ADAMTS17: variants seen among roughly 807,000 people sequenced by gnomAD.
ADAMTS17 encodes ADAM metallopeptidase with thrombospondin type 1 motif 17, also known as A disintegrin and metalloproteinase with thrombospondin motifs 17.
Under a neutral mutation model 141.5 loss-of-function variants are expected in ADAMTS17, and 113 were observed. The ratio of observed to expected loss-of-function variants is 0.80; its 90% CI spans 0.69 to 0.93. The LOEUF is 0.93. ADAMTS17 is among the 40% of genes least tolerant of loss of function. The probability of loss-of-function intolerance (pLI) is 0.00; values close to 1 mark genes in which losing one functional copy is unlikely to be tolerated. For missense variants in ADAMTS17, 1,659 were observed against 1,517.9 expected, an observed-to-expected ratio of 1.09 and a Z score of -1.54; for synonymous variants, 768 against 630.6, an observed-to-expected ratio of 1.22 and a Z score of -3.27.
chr15:99,976,462 C>T (rs2060332908), intron 20 of ADAMTS17: 6 of 619,814 alleles, frequency 9.7e-6, no homozygotes, highest in Non-Finnish European at 1.7e-5. Context: ...GGGCTGGGCA[C>T]TGTGTGTCAT....
intron 15 of ADAMTS17, among the ~76,000 whole-genome samples, chr15:100,071,152 TA>T (rs2033942530): frequency 2.0e-5 from 3 of 150,364 alleles, no homozygotes; most frequent in African/African-American, 7.4e-5. Flanking sequence ...AAGAAATGGA[TA>T]AATTCCTTAA....
In ADAMTS17 at chr15:99,993,365, G is replaced by A. The variant is rs916158425; in HGVS notation, c.2797-165C>T. ...TCCTGGTCTGCAGGGTCTTACGCAC[G>A]TGGTCCCAGCTGGGGCCCCAGCCGA... On this transcript the variant is annotated intron_variant, in intron 19 of 21. Coordinates refer to ENST00000268070, the MANE Select transcript of ADAMTS17 (RefSeq NM_139057.4). This position sits in a 1 kb window ranked among gnomAD's most constrained non-coding sequence, Gnocchi z 4.3. 3.3e-5 allele frequency among the ~76,000 whole-genome samples: 5 copies of A among 152,160 alleles called. No individual in the cohort carries two copies. The highest frequency in any genetic ancestry group is 6.5e-5 in the Admixed American group (1 of 15,280).
chr15:100,011,093 A>C (rs1047878107), intron 18 of ADAMTS17, among the ~76,000 whole-genome samples: 11 of 151,272 alleles, frequency 7.3e-5, no homozygotes, highest in African/African-American at 1.7e-4. Context: ...CTGAGAAACC[A>C]CTTTCAGCCT....
At chr15:100,063,364 G>C (rs1035699729) in intron 15 of ADAMTS17, among the ~76,000 whole-genome samples, 2 of 152,204 alleles carry the variant, frequency 1.3e-5, no homozygotes, top group Non-Finnish European at 2.9e-5. Flanking sequence ...AGCTCTCCTG[G>C]GGTTACTTTG....
chr15:99,979,566 G>A (rs545456988), intron 20 of ADAMTS17: 8 of 147,656 alleles, frequency 5.4e-5, no homozygotes, highest in African/African-American at 2.0e-4. Flanking sequence ...AAAACCACGC[G>A]AGTGGTCCAC....
At chr15:100,064,249 G>C (rs1000750870) in intron 15 of ADAMTS17, among the ~76,000 whole-genome samples, 2 of 152,162 alleles carry the variant, frequency 1.3e-5, no homozygotes, top group Admixed American at 1.3e-4. Flanking sequence ...CAGAAGTTAG[G>C]CAAGAAGCAT....
chr15:100,311,335 G>A (rs950044755), intron 3 of ADAMTS17, among the ~76,000 whole-genome samples: 11 of 152,194 alleles, frequency 7.2e-5, no homozygotes, highest in East Asian at 3.9e-4. Flanking sequence ...GAGGCCATGC[G>A]CTCACTCAGC....
At position 100,054,182 on chromosome 15, in the gene ADAMTS17, C is replaced by G. The variant is rs1024710443; in HGVS notation, c.2138-128G>C. The G allele has an allele frequency of 5.4e-6, 6 of 1,102,172 alleles. No individual in the cohort carries two copies. In the African/African-American group the frequency reaches 7.7e-5, roughly 14 times the overall value. The allele number at this position is 1,102,172 out of a possible 1,614,324, so 68.3% of individuals were successfully genotyped here. A position where few individuals can be genotyped will look rare whatever the true frequency, so the allele number is the denominator to read the frequency against. On this transcript the variant is annotated intron_variant, in intron 15 of 21. Transcript: ENST00000268070. ...CCTTCCACAGGGGGAAGGAGGGAGG[C>G]CTGAAGCGAGAGAAGGCGAGTGCTC... is the stretch of plus-strand genomic sequence containing the variant.
intron 3 of ADAMTS17, among the ~76,000 whole-genome samples, chr15:100,329,982 A>G (rs1056045683): frequency 6.6e-6 from 1 of 152,242 alleles, no homozygotes; most frequent in African/African-American, 2.4e-5. Context: ...TCATACAAAG[A>G]TAAGTCTTTA....
chr15:100,049,717 C>T (rs2031994938), intron 17 of ADAMTS17, among the ~76,000 whole-genome samples: 1 of 152,122 alleles, frequency 6.6e-6, no homozygotes, highest in Admixed American at 6.5e-5. Context: ...GGAGGGTGGC[C>T]CTTGGAGCCA....
At chr15:100,166,406 G>A (rs959847010) in intron 8 of ADAMTS17, among the ~76,000 whole-genome samples, 3 of 152,074 alleles carry the variant, frequency 2.0e-5, no homozygotes, top group African/African-American at 7.2e-5. Flanking sequence ...AATTGAACAG[G>A]ACTTCTAAAA....
At chr15:100,272,417 G>A (rs2043945859) in intron 4 of ADAMTS17, among the ~76,000 whole-genome samples, 2 of 151,684 alleles carry the variant, frequency 1.3e-5, no homozygotes, top group South Asian at 4.2e-4. Flanking sequence ...CCCTTATTTG[G>A]TTAATTCCTA....
intron 10 of ADAMTS17, among the ~76,000 whole-genome samples, chr15:100,145,456 T>A (rs1243826424): frequency 2.0e-5 from 3 of 152,250 alleles, no homozygotes; most frequent in Non-Finnish European, 4.4e-5. Context: ...GTTTGAAGAA[T>A]ACTGCTGAGA....
chr15:100,051,839 AC>A, intron 16 of ADAMTS17, 108 bp from the exon 17 acceptor site: 1 of 1,402,436 alleles, frequency 7.1e-7, no homozygotes, highest in South Asian at 1.2e-5. Flanking sequence ...ATGAGGGGTA[AC>A]CAGCTCTTTT....
intron 8 of ADAMTS17, among the ~76,000 whole-genome samples, chr15:100,175,775 C>A (rs578006354): frequency 6.6e-6 from 1 of 151,942 alleles, no homozygotes; most frequent in East Asian, 1.9e-4. Context: ...TCTGTGTGAA[C>A]GGTGCCCCCG....
intron 3 of ADAMTS17, among the ~76,000 whole-genome samples, chr15:100,311,844 C>G (rs1251661512): frequency 6.6e-6 from 1 of 151,788 alleles, no homozygotes; most frequent in Non-Finnish European, 1.5e-5. Context: ...AAAAAAAATA[C>G]TTAATATTGA....
rs371163875 is a variant in ADAMTS17, at chr15:99,972,788, CAA to C, written c.*1612_*1613del. The stretch of plus-strand genomic sequence containing the variant: ...TTCTCTGCCTCTAGGGTAGTAAAAA[CAA>C]AAACACAGCTCGTAAGACAGGGTGG... On this transcript the variant is annotated 3_prime_UTR_variant, in exon 22 of 22. Transcript: ENST00000268070. The C allele has an allele frequency of 1.3e-5, 2 of 152,204 alleles. No individual in the cohort carries two copies. Among genetic ancestry groups the C allele is most frequent in the Admixed American group, 6.5e-5 (1 of 15,288 alleles). The allele number at this position is 152,204 out of a possible 1,614,324, so 9.4% of individuals were successfully genotyped here. A position where few individuals can be genotyped will look rare whatever the true frequency, so the allele number is the denominator to read the frequency against.
Position 100,051,633 on chromosome 15 carries a change from C to A in ADAMTS17, c.2394G>T (p.Gln798His), listed in dbSNP as rs1380939214. 2 of 1,614,188 alleles carry A rather than the reference C, an allele frequency of 1.2e-6. No homozygotes were observed. Among genetic ancestry groups the A allele is most frequent in the African/African-American group, 1.3e-5 (1 of 75,054 alleles). ...AENQSEPEKP[Q>H]DSLFIWTHSG... ...TGTGGGTCCAGATGAACAAAGAGTC[C>A]TGCGGTTTTTCTGGTTCGCTTTGAT... The change falls in exon 17 of 22, where the codon CAG becomes CAT. Residue 798 changes from glutamine (Q) to histidine (H), a missense_variant. Coordinates refer to ENST00000268070, the MANE Select transcript of ADAMTS17 (RefSeq NM_139057.4).
chr15:100,004,868 G>A (rs569970416), intron 18 of ADAMTS17, among the ~76,000 whole-genome samples: 20 of 152,288 alleles, frequency 1.3e-4, no homozygotes, highest in African/African-American at 2.4e-4. Flanking sequence ...TGATCCGCCC[G>A]CCTTGGCCTC....
Sources: allele counts gnomAD v4.1 joint callset (sites outside exome capture counted in the v4.1 genomes callset), GRCh38; gene constraint gnomAD v4.1.1; non-coding constraint Gnocchi (gnomAD v3.1); transcripts MANE v1.5; gene names NCBI Gene and HGNC (gene_info 2026-07-23, HGNC 2026-07-21).